Variants in TBC1D5 observed in about 807,000 individuals in gnomAD.
The protein encoded by TBC1D5 is TBC1 domain family, member 5.
Under a neutral mutation model 100.3 loss-of-function variants are expected in TBC1D5, and 75 were observed. The observed-to-expected ratio is 0.75, with a 90% confidence interval of 0.62 to 0.91. The LOEUF is 0.91. Ranked by LOEUF, TBC1D5 falls within the 40% of genes least tolerant of loss-of-function variation. TBC1D5 has a pLI of 0.00. For synonymous variants in TBC1D5, 323 were observed against 325.6 expected (o/e 0.99, Z 0.09); for missense variants, 910 against 942.4 (o/e 0.97, Z 0.45).
intron 13 of TBC1D5, among the ~76,000 whole-genome samples, chr3:17,360,582 T>A (rs115693972): frequency 0.011 from 1,747 of 152,098 alleles, 35 homozygotes; most frequent in African/African-American, 0.039. Context: ...GCATATTTTG[T>A]TTCAATCGCC....
At chr3:17,278,933 G>T (rs1368440623) in intron 15 of TBC1D5, among the ~76,000 whole-genome samples, 1 of 152,126 alleles carries the variant, frequency 6.6e-6, no homozygotes, top group Non-Finnish European at 1.5e-5. Flanking sequence ...TGTTCTTTGA[G>T]AATTTTTAAT....
At chr3:17,231,543 T>C (rs2075418549) in intron 17 of TBC1D5, among the ~76,000 whole-genome samples, 1 of 152,098 alleles carries the variant, frequency 6.6e-6, no homozygotes, top group Non-Finnish European at 1.5e-5. Context: ...TATTGATACT[T>C]ACTTTATTTC....
chr3:17,243,283 T>C (rs2076456448), intron 16 of TBC1D5, among the ~76,000 whole-genome samples: 1 of 152,188 alleles, frequency 6.6e-6, no homozygotes, highest in Non-Finnish European at 1.5e-5. Flanking sequence ...TACTATTTTG[T>C]GACCTGAAGA....
chr3:17,666,695 A>T (rs1438837392), intron 1 of TBC1D5, among the ~76,000 whole-genome samples: 1 of 152,088 alleles, frequency 6.6e-6, no homozygotes, highest in Non-Finnish European at 1.5e-5. Flanking sequence ...TTTCTTAGTA[A>T]AATCAATTTT....
At chr3:17,374,025 A>T (rs1017339128) in intron 12 of TBC1D5, among the ~76,000 whole-genome samples, 12 of 152,152 alleles carry the variant, frequency 7.9e-5, no homozygotes, top group Admixed American at 6.6e-5. Context: ...AAAATTTAAA[A>T]TATAGTTAAA....
At chr3:17,242,611 G>C (rs538556604) in intron 16 of TBC1D5, among the ~76,000 whole-genome samples, 7 of 151,906 alleles carry the variant, frequency 4.6e-5, no homozygotes, top group Non-Finnish European at 8.8e-5. Flanking sequence ...TTTAACAATA[G>C]CATGAAAGTT....
chr3:17,489,309 C>T (rs1429379209), intron 3 of TBC1D5, among the ~76,000 whole-genome samples: 3 of 152,246 alleles, frequency 2.0e-5, no homozygotes, highest in South Asian at 2.1e-4. Flanking sequence ...ATCCTTGACT[C>T]ATCTCATCTA....
At chr3:17,393,915 C>T (rs1323212868) in intron 8 of TBC1D5, among the ~76,000 whole-genome samples, 2 of 152,114 alleles carry the variant, frequency 1.3e-5, no homozygotes, top group Admixed American at 6.5e-5. Flanking sequence ...CAGGCATGGA[C>T]AAAGACTTCA....
intron 15 of TBC1D5, among the ~76,000 whole-genome samples, chr3:17,290,196 A>AT (rs2081585438): frequency 6.6e-6 from 1 of 151,984 alleles, no homozygotes; most frequent in South Asian, 2.1e-4. Flanking sequence ...ATACACTATT[A>AT]TTTTTTTCTC....
intron 8 of TBC1D5, among the ~76,000 whole-genome samples, chr3:17,384,824 G>A (rs530569839): frequency 1.3e-5 from 2 of 152,072 alleles, no homozygotes; most frequent in Non-Finnish European, 2.9e-5. Flanking sequence ...AGGACAGTGG[G>A]ATAGAAGAAA....
Position 17,439,993 on chromosome 3 carries a change from T to C in TBC1D5, c.98-11474A>G, listed in dbSNP as rs186543432. On this transcript the variant is annotated intron_variant, in intron 3 of 21. Transcript: ENST00000253692. ...GTCATAAATTTAGATGTAATAGTTC[T>C]TCCAGCATTTTTCAGTTCTTTCAGC... 5.7e-4 allele frequency among the ~76,000 whole-genome samples: 87 copies of C among 152,314 alleles called. 2 individuals carry two copies. Among genetic ancestry groups the C allele is most frequent in the East Asian group, 9.6e-4 (5 of 5,186 alleles).
chr3:17,343,728 C>A (rs2089392890), intron 13 of TBC1D5, among the ~76,000 whole-genome samples: 1 of 152,152 alleles, frequency 6.6e-6, no homozygotes, highest in South Asian at 2.1e-4. Context: ...TTATCCATTT[C>A]TTCTAGATTT....
Position 17,238,438 on chromosome 3 carries a change from G to T in TBC1D5, c.1332-19C>A. The stretch of plus-strand genomic sequence containing the variant: ...ATTGGTCCTGTTAAAAAAAGAAATG[G>T]AGAAGCATTATTTACATTAGAGGAT... On this transcript the variant is annotated intron_variant, in intron 16 of 21. Coordinates refer to ENST00000253692, the Ensembl canonical transcript of TBC1D5. 6.2e-7 allele frequency: 1 copy of T among 1,600,318 alleles called. No homozygotes were observed. Among genetic ancestry groups the T allele is most frequent in the South Asian group, 1.1e-5 (1 of 89,210 alleles).
intron 3 of TBC1D5, among the ~76,000 whole-genome samples, chr3:17,440,753 T>C (rs553638661): frequency 6.6e-6 from 1 of 152,184 alleles, no homozygotes; most frequent in Non-Finnish European, 1.5e-5. Flanking sequence ...GCAATTCTTC[T>C]ACCTCAACCT....
intron 3 of TBC1D5, among the ~76,000 whole-genome samples, chr3:17,457,919 T>C (rs1266413604): frequency 6.6e-6 from 1 of 152,228 alleles, no homozygotes. Context: ...CACTCAGTGC[T>C]CTACAGGCTA....
chr3:17,667,575 C>T (rs1439492031), intron 1 of TBC1D5, among the ~76,000 whole-genome samples: 1 of 151,834 alleles, frequency 6.6e-6, no homozygotes. Context: ...CCTCAGTCTT[C>T]CAAGTAGCTG....
intron 3 of TBC1D5, 144 bp from the exon 4 acceptor site, chr3:17,428,663 CT>C: frequency 3.4e-6 from 1 of 294,592 alleles, no homozygotes. Context: ...GTACTCAAAG[CT>C]TTTTAGGTAG....
At chr3:17,627,274 G>A (rs6779834) in intron 1 of TBC1D5, among the ~76,000 whole-genome samples, 60,630 of 151,922 alleles carry the variant, frequency 0.4, 12,778 homozygotes, top group Middle Eastern at 0.49. Flanking sequence ...ACAGACAGTG[G>A]CAAGACGATG....
At chr3:17,705,039 C>A (rs1347861214) in intron 1 of TBC1D5, among the ~76,000 whole-genome samples, 9 of 136,694 alleles carry the variant, frequency 6.6e-5, no homozygotes, top group Non-Finnish European at 1.4e-4. Flanking sequence ...GGGCGGCTGG[C>A]CAGGCGGGGG....
Sources: gnomAD v4.1 joint callset for allele counts (sites outside exome capture counted in the v4.1 genomes callset) on GRCh38, gnomAD v4.1.1 for gene constraint, MANE v1.5 for transcripts, NCBI Gene and HGNC (gene_info 2026-07-23, HGNC 2026-07-21) for gene names.